Variants in RGPD2 observed in about 807,000 individuals in gnomAD.
The protein encoded by RGPD2 is RANBP2 like and GRIP domain containing 2, also known as RANBP2-like and GRIP domain-containing protein 2.
A neutral mutation model predicts 36.0 loss-of-function variants in RGPD2; 2 were observed. The ratio of observed to expected loss-of-function variants is 0.06; its 90% confidence interval spans 0.02 to 0.17. The LOEUF (loss-of-function observed/expected upper bound fraction) is 0.17, where lower values mean the gene tolerates loss of function less well. RGPD2 is among the 10% of genes least tolerant of loss of function. RGPD2 has a pLI of 1.00. For synonymous variants in RGPD2, 19 were observed against 163.8 expected (o/e 0.12, Z 6.75); for missense variants, 40 against 464.3 (o/e 0.09, Z 8.40).
the RGPD2 span, among the ~76,000 whole-genome samples, chr2:87,885,257 C>T: frequency 6.6e-6 from 1 of 152,048 alleles, no homozygotes; most frequent in East Asian, 1.9e-4. Context: ...AAATCAACAC[C>T]ATCATCTCAA....
At chr2:87,810,030 G>A (rs1176485637) in intron 6 of RGPD2, among the ~76,000 whole-genome samples, 9 of 48,830 alleles carry the variant, frequency 1.8e-4, no homozygotes, top group African/African-American at 1.4e-4. Context: ...GTGTGGTGTC[G>A]GGCACCTGTA....
the RGPD2 span, among the ~76,000 whole-genome samples, chr2:87,972,049 C>A: frequency 6.6e-6 from 1 of 151,328 alleles, no homozygotes; most frequent in African/African-American, 2.4e-5. Flanking sequence ...GGAAGTCAAG[C>A]ACGGAGGATC....
the RGPD2 span, among the ~76,000 whole-genome samples, chr2:87,955,218 G>C: frequency 4.9e-5 from 7 of 143,918 alleles, no homozygotes; most frequent in Admixed American, 1.4e-4. Flanking sequence ...GTTTCACCAT[G>C]TTAGCCAGGA....
At chr2:87,988,537 ATATATTT>A in the RGPD2 span, among the ~76,000 whole-genome samples, 3 of 25,924 alleles carry the variant, frequency 1.2e-4, no homozygotes, top group Non-Finnish European at 2.4e-4. Flanking sequence ...ATATATATAT[ATATATTT>A]TTTTTTTTTC....
At chr2:87,857,564 G>A in the RGPD2 span, among the ~76,000 whole-genome samples, 45 of 150,316 alleles carry the variant, frequency 3.0e-4, no homozygotes, top group Non-Finnish European at 5.5e-4. Flanking sequence ...GGATGGTCTC[G>A]ATCTCCTGAC....
At chr2:87,905,339 A>C in the RGPD2 span, among the ~76,000 whole-genome samples, 7 of 152,242 alleles carry the variant, frequency 4.6e-5, no homozygotes, top group Non-Finnish European at 8.8e-5. Context: ...TGAAATAGAG[A>C]ATATGGCAGG....
chr2:87,978,249 A>T, the RGPD2 span, among the ~76,000 whole-genome samples: 1 of 152,112 alleles, frequency 6.6e-6, no homozygotes, highest in Non-Finnish European at 1.5e-5. Context: ...AGAACATGTA[A>T]GAACTTCACC....
chr2:87,839,886 A>C, the RGPD2 span, among the ~76,000 whole-genome samples: 1 of 152,046 alleles, frequency 6.6e-6, no homozygotes, highest in East Asian at 1.9e-4. Flanking sequence ...TCCCAAACCT[A>C]AAATAAATGT....
chr2:87,868,766 T>C, the RGPD2 span, among the ~76,000 whole-genome samples: 3 of 151,934 alleles, frequency 2.0e-5, no homozygotes, highest in African/African-American at 7.2e-5. Flanking sequence ...AACTCCTTCA[T>C]TTAGTCCAAG....
the RGPD2 span, among the ~76,000 whole-genome samples, chr2:87,943,992 A>C: frequency 6.6e-6 from 1 of 151,982 alleles, no homozygotes; most frequent in Non-Finnish European, 1.5e-5. Flanking sequence ...TTCAATACGA[A>C]TTTCATGGTG....
the RGPD2 span, among the ~76,000 whole-genome samples, chr2:87,944,730 T>C: frequency 3.2e-5 from 4 of 125,392 alleles, no homozygotes; most frequent in East Asian, 6.4e-4. Flanking sequence ...TTTATAATTA[T>C]AATTATTTTT....
At chr2:87,915,581 T>C in the RGPD2 span, among the ~76,000 whole-genome samples, 30,725 of 143,060 alleles carry the variant, frequency 0.21, 3,936 homozygotes, top group East Asian at 0.39. Flanking sequence ...TATATGTGTG[T>C]GTATATACAC....
At chr2:87,947,365 A>AG in the RGPD2 span, among the ~76,000 whole-genome samples, 1 of 152,296 alleles carries the variant, frequency 6.6e-6, no homozygotes, top group Non-Finnish European at 1.5e-5. Context: ...TGTCTATACT[A>AG]TTAGTGAGAG....
the RGPD2 span, among the ~76,000 whole-genome samples, chr2:87,843,712 G>A: frequency 7.9e-5 from 12 of 152,160 alleles, no homozygotes; most frequent in Admixed American, 1.3e-4. Flanking sequence ...CCATTACTGG[G>A]TATATACCCA....
chr2:87,974,764 C>G, the RGPD2 span, among the ~76,000 whole-genome samples: 1 of 152,204 alleles, frequency 6.6e-6, no homozygotes, highest in African/African-American at 2.4e-5. Context: ...TTGTCCACAT[C>G]CAGCCACCAC....
At chr2:87,760,963 C>A (rs930469894) in intron 22 of RGPD2, among the ~76,000 whole-genome samples, 1 of 147,856 alleles carries the variant, frequency 6.8e-6, no homozygotes, top group East Asian at 2.0e-4. Flanking sequence ...TCTCCATGTT[C>A]CACCTTTTGT....
At chr2:87,876,638 T>A in the RGPD2 span, among the ~76,000 whole-genome samples, 3 of 152,300 alleles carry the variant, frequency 2.0e-5, no homozygotes. Flanking sequence ...TGTCATCAAT[T>A]TTAGAGTAAG....
the RGPD2 span, chr2:87,972,743 G>C: frequency 1.2e-4 from 189 of 1,611,000 alleles, 5 homozygotes; most frequent in African/African-American, 2.2e-3. Context: ...GCTGTGCCCA[G>C]GAGTGAACAA....
chr2:87,904,975 G>A, the RGPD2 span, among the ~76,000 whole-genome samples: 1 of 151,930 alleles, frequency 6.6e-6, no homozygotes, highest in African/African-American at 2.4e-5. Context: ...TCTTGAATCT[G>A]CATTTAAGGG....
Sources: allele counts gnomAD v4.1 joint callset (sites outside exome capture counted in the v4.1 genomes callset), GRCh38; gene constraint gnomAD v4.1.1; transcripts MANE v1.5; gene names NCBI Gene and HGNC (gene_info 2026-07-23, HGNC 2026-07-21).